UGCG: variants seen among roughly 807,000 people sequenced by gnomAD.
UGCG encodes the protein UDP-glucose ceramide glucosyltransferase.
In UGCG, 10 loss-of-function variants were observed where a neutral mutation model predicts 49.5. That is an observed-to-expected ratio of 0.20 (90% CI 0.12 to 0.34). The LOEUF is 0.34. UGCG is among the 10% of genes least tolerant of loss of function. The probability of loss-of-function intolerance (pLI) is 1.00; values close to 1 mark genes in which losing one functional copy is unlikely to be tolerated. For synonymous variants in UGCG, 182 were observed against 158.2 expected (o/e 1.15, Z -1.13); for missense variants, 312 against 483.7 (o/e 0.65, Z 3.33).
chr9:111,898,718 T>TG (rs1837712406), intron 1 of UGCG, among the ~76,000 whole-genome samples: 2 of 152,134 alleles, frequency 1.3e-5, no homozygotes, highest in South Asian at 4.1e-4. Flanking sequence ...TAGAGAGAGA[T>TG]GGAGAAAATT....
chr9:111,927,964 C>T (rs989599374), intron 5 of UGCG, among the ~76,000 whole-genome samples: 2 of 152,104 alleles, frequency 1.3e-5, no homozygotes, highest in Non-Finnish European at 2.9e-5. Flanking sequence ...CATAGGCCAT[C>T]GTATGTGTGT....
At chr9:111,911,927 TATATATA>T (rs1331073016) in intron 1 of UGCG, among the ~76,000 whole-genome samples, 5 of 24,806 alleles carry the variant, frequency 2.0e-4, no homozygotes, top group East Asian at 3.0e-3. Flanking sequence ...TATATATATA[TATATATA>T]TATATATATA....
At chr9:111,922,816 G>T in intron 2 of UGCG, 33 bp from the exon 3 acceptor site, 4 of 1,507,822 alleles carry the variant, frequency 2.7e-6, no homozygotes, top group African/African-American at 1.4e-5. Context: ...TTTTTTTAAA[G>T]AATTTAATTT....
At chr9:111,921,951 A>AT (rs1838230152) in intron 2 of UGCG, among the ~76,000 whole-genome samples, 2 of 151,524 alleles carry the variant, frequency 1.3e-5, no homozygotes, top group African/African-American at 4.9e-5. Context: ...AGCTGGGACC[A>AT]CAGGCATGCC....
chr9:111,928,550 C>T (rs1838366137), intron 5 of UGCG, among the ~76,000 whole-genome samples: 1 of 152,156 alleles, frequency 6.6e-6, no homozygotes, highest in Non-Finnish European at 1.5e-5. Flanking sequence ...CCTAAGACCT[C>T]AATAACTACT....
chr9:111,898,850 A>G (rs1837714305), intron 1 of UGCG, among the ~76,000 whole-genome samples: 1 of 152,126 alleles, frequency 6.6e-6, no homozygotes, highest in Non-Finnish European at 1.5e-5. Flanking sequence ...GAAAAGGACT[A>G]TATTATGATT....
intron 5 of UGCG, among the ~76,000 whole-genome samples, chr9:111,928,827 C>G (rs1216587006): frequency 1.3e-5 from 2 of 152,014 alleles, no homozygotes; most frequent in African/African-American, 4.8e-5. Flanking sequence ...AATAACAGTC[C>G]TTTTCTACCA....
intron 7 of UGCG, 159 bp from the exon 8 acceptor site, chr9:111,932,011 C>G: frequency 1.4e-6 from 1 of 732,116 alleles, no homozygotes; most frequent in Non-Finnish European, 2.1e-6. Context: ...CAGAGCAGAA[C>G]CCCGTCTCAA....
At chr9:111,902,719 A>T (rs540515889) in intron 1 of UGCG, among the ~76,000 whole-genome samples, 2,140 of 152,284 alleles carry the variant, frequency 0.014, 49 homozygotes, top group African/African-American at 0.049. Context: ...GTTGTTAAGC[A>T]AGGTGAACTT....
At chr9:111,926,351 T>C in intron 4 of UGCG, 33 bp from the exon 5 acceptor site, 1 of 1,514,428 alleles carries the variant, frequency 6.6e-7, no homozygotes, top group Non-Finnish European at 9.0e-7. Context: ...AATTTTCTTT[T>C]CTCCCCCTCT....
Position 111,924,761 on chromosome 9 carries a change from A to G in UGCG, c.344-16A>G. 1.4e-6 allele frequency: 2 copies of G among 1,398,646 alleles called. No individual in the cohort carries two copies. Among genetic ancestry groups the G allele is most frequent in the Non-Finnish European group, 1.9e-6 (2 of 1,030,476 alleles). The allele number at this position is 1,398,646 out of a possible 1,614,324, so 86.6% of individuals were successfully genotyped here. Reference sequence around the variant, plus strand: ...TGTTGCATAAATCTTTTACTACTGTACCTTTACATTTTTAGGTGGCAAAAA... The same window carrying G: ...TGTTGCATAAATCTTTTACTACTGTGCCTTTACATTTTTAGGTGGCAAAAA... On this transcript the variant is annotated splice_polypyrimidine_tract_variant and intron_variant, in intron 3 of 8. Transcript: ENST00000374279.
chr9:111,900,654 T>A (rs1837751254), intron 1 of UGCG, among the ~76,000 whole-genome samples: 1 of 151,866 alleles, frequency 6.6e-6, no homozygotes, highest in Non-Finnish European at 1.5e-5. Context: ...CAGGCATGCC[T>A]GGCTAATTTT....
chr9:111,925,133 G>A (rs1372446362), intron 4 of UGCG, among the ~76,000 whole-genome samples: 1 of 152,004 alleles, frequency 6.6e-6, no homozygotes, highest in Non-Finnish European at 1.5e-5. Flanking sequence ...AATGGTTGTG[G>A]TTCATTATAT....
chr9:111,905,497 C>T (rs1286010910), intron 1 of UGCG, among the ~76,000 whole-genome samples: 1 of 150,930 alleles, frequency 6.6e-6, no homozygotes, highest in South Asian at 2.1e-4. Flanking sequence ...ATCTTGTCAT[C>T]CAGGCTGGAG....
In UGCG at chr9:111,897,020, C is replaced by A; in HGVS notation, c.-196C>A. The A allele has an allele frequency of 3.0e-6, 1 of 328,484 alleles. No homozygotes were observed. The highest frequency in any genetic ancestry group is 5.4e-6 in the Non-Finnish European group (1 of 184,078). The allele number at this position is 328,484 out of a possible 1,614,324, so 20.3% of individuals were successfully genotyped here. ...CCGCGAGCGCGCCGAAGACAGCGCGCAGGCGAGAGCGCGCGGGCGGGGGCG... is the reference window on the plus strand; with the variant it reads ...CCGCGAGCGCGCCGAAGACAGCGCGAAGGCGAGAGCGCGCGGGCGGGGGCG... On this transcript the variant is annotated 5_prime_UTR_variant, in exon 1 of 9. Transcript: ENST00000374279.
chr9:111,923,341 T>TA (rs1303981392), intron 3 of UGCG, among the ~76,000 whole-genome samples: 1 of 147,408 alleles, frequency 6.8e-6, no homozygotes, highest in Non-Finnish European at 1.5e-5. Context: ...GAAAGACTTG[T>TA]AGAGGTGTGT....
Position 111,935,291 on chromosome 9 carries a change from A to G in UGCG, c.*2294A>G, listed in dbSNP as rs1838500899. The G allele has an allele frequency of 6.6e-6, 1 of 152,170 alleles. No homozygotes were observed. Among genetic ancestry groups the G allele is most frequent in the Middle Eastern group, 3.2e-3 (1 of 316 alleles). The allele number at this position is 152,170 out of a possible 1,614,324, so 9.4% of individuals were successfully genotyped here. On this transcript the variant is annotated 3_prime_UTR_variant, in exon 9 of 9. Transcript: ENST00000374279. ...ATCTTTAAAAAAAACCAGTGTCTAG[A>G]ATATATACCATGTTTTATTATTTAA... is the stretch of plus-strand genomic sequence containing the variant.
chr9:111,909,634 G>A (rs1589520129), intron 1 of UGCG, among the ~76,000 whole-genome samples: 1 of 152,184 alleles, frequency 6.6e-6, no homozygotes, highest in African/African-American at 2.4e-5. Flanking sequence ...GTGTACATTC[G>A]GGGCTGTAAA....
rs755834241 is a variant in UGCG at position 111,897,251 on chromosome 9, C to T, written c.36C>T (p.Ala12=). Residue 12 remains alanine, a synonymous_variant, in exon 1 of 9, where the codon GCC becomes GCT. Transcript: ENST00000374279. Reference sequence around the variant, plus strand: ...TGGACCTGGCCTTGGAGGGAATGGCCGTCTTCGGGTTCGTCCTCTTCTTGG... The same window carrying T: ...TGGACCTGGCCTTGGAGGGAATGGCTGTCTTCGGGTTCGTCCTCTTCTTGG... ...ALLDLALEGM[A]VFGFVLFLVL... is the part of the protein sequence containing the mutation. 173 of 1,556,208 alleles carry T rather than the reference C, an allele frequency of 1.1e-4. 1 individual carries two copies. Among genetic ancestry groups the T allele is most frequent in the South Asian group, 3.3e-4 (28 of 84,502 alleles).
Sources: allele counts gnomAD v4.1 joint callset (sites outside exome capture counted in the v4.1 genomes callset), GRCh38; gene constraint gnomAD v4.1.1; transcripts MANE v1.5; gene names NCBI Gene and HGNC (gene_info 2026-07-23, HGNC 2026-07-21).